Variants in MED13L observed in about 807,000 individuals in gnomAD.
The protein encoded by MED13L is mediator complex subunit 13L.
A neutral mutation model predicts 220.9 loss-of-function variants in MED13L; 7 were observed. That is an observed-to-expected ratio of 0.03 (90% CI 0.02 to 0.06). The LOEUF (loss-of-function observed/expected upper bound fraction) is 0.06, where lower values mean the gene tolerates loss of function less well. Ranked by LOEUF, MED13L falls within the 10% of genes least tolerant of loss-of-function variation. The pLI is 1.00. For synonymous variants in MED13L, 1,011 were observed against 1,015.2 expected (o/e 1.00, Z 0.08); for missense variants, 1,965 against 2,760.5 (o/e 0.71, Z 6.46).
At chr12:116,174,752 CAT>C (rs1199800592) in intron 2 of MED13L, 34 of 152,304 alleles carry the variant, frequency 2.2e-4, no homozygotes, top group African/African-American at 7.7e-4. Flanking sequence ...AGATAAAATA[CAT>C]GTGTAAACTT....
intron 30 of MED13L, among the ~76,000 whole-genome samples, chr12:115,962,899 T>G (rs1382658311): frequency 6.6e-6 from 1 of 152,096 alleles, no homozygotes; most frequent in African/African-American, 2.4e-5. Flanking sequence ...CGGGTGCCTG[T>G]AGTCCCAGCT....
chr12:116,150,355 A>G (rs1435018165), intron 2 of MED13L, among the ~76,000 whole-genome samples: 1 of 152,254 alleles, frequency 6.6e-6, no homozygotes, highest in Non-Finnish European at 1.5e-5. Flanking sequence ...TTATTACAAC[A>G]AAGTCTTGGA....
chr12:116,200,545 T>C (rs1593158436), intron 2 of MED13L, among the ~76,000 whole-genome samples: 2 of 152,182 alleles, frequency 1.3e-5, no homozygotes, highest in East Asian at 3.9e-4. Flanking sequence ...TTGAATTACT[T>C]GACAGGGACT....
In MED13L at chr12:116,188,129, T is replaced by C. The variant is rs1436332391; in HGVS notation, c.310+49339A>G. Among the ~76,000 whole-genome samples, 4 of 148,636 alleles carry C rather than the reference T, an allele frequency of 2.7e-5. No homozygotes were observed. In the Admixed American group the frequency reaches 2.7e-4, roughly 10 times the overall value. ...TTTACATAACATAATTAACAAATTA[T>C]TAAAAAAAAAAATCACTGTCATGTC... On this transcript the variant is annotated intron_variant, in intron 2 of 30. Coordinates refer to ENST00000281928, the MANE Select transcript of MED13L (RefSeq NM_015335.5).
At chr12:116,002,428 A>G (rs1358661252) in intron 14 of MED13L, among the ~76,000 whole-genome samples, 1 of 152,222 alleles carries the variant, frequency 6.6e-6, no homozygotes, top group Non-Finnish European at 1.5e-5. Context: ...GAGTATCCAC[A>G]TAAGCTACCC....
intron 4 of MED13L, among the ~76,000 whole-genome samples, chr12:116,093,832 A>T (rs1387049331): frequency 6.6e-6 from 1 of 152,158 alleles, no homozygotes; most frequent in Non-Finnish European, 1.5e-5. Flanking sequence ...CACTAAATGG[A>T]TCTGTACCAA....
Position 116,038,633 on chromosome 12 carries a change from A to G in MED13L, c.480-16032T>C, listed in dbSNP as rs117133586. On this transcript the variant is annotated intron_variant, in intron 4 of 30. Coordinates refer to ENST00000281928, the MANE Select transcript of MED13L (RefSeq NM_015335.5). ...GCCTAGATTCTCAAGCCTGGCTCAC[A>G]GTGGGAGAAATGACCCGCCAAAAGA... Among the ~76,000 whole-genome samples, 90 of 151,022 alleles carry G rather than the reference A, an allele frequency of 6.0e-4. No individual in the cohort carries two copies. The East Asian group carries it at 0.016, about 27-fold the overall frequency.
chr12:116,005,576 G>T (rs546636238), intron 13 of MED13L, among the ~76,000 whole-genome samples: 1 of 152,298 alleles, frequency 6.6e-6, no homozygotes, highest in Non-Finnish European at 1.5e-5. Flanking sequence ...TACAATAAAT[G>T]TGAGAGATTT....
intron 2 of MED13L, among the ~76,000 whole-genome samples, chr12:116,146,457 G>A (rs896096628): frequency 6.7e-6 from 1 of 150,058 alleles, no homozygotes; most frequent in African/African-American, 2.5e-5. Context: ...TTTTTTTAAA[G>A]CTCATCAGTT....
intron 3 of MED13L, among the ~76,000 whole-genome samples, chr12:116,107,881 G>C (rs1873716312): frequency 6.6e-6 from 1 of 152,150 alleles, no homozygotes; most frequent in African/African-American, 2.4e-5. Context: ...CACGAGGTCA[G>C]GAGTTCGAGA....
intron 4 of MED13L, among the ~76,000 whole-genome samples, chr12:116,058,052 A>G (rs531515450): frequency 5.3e-5 from 8 of 152,226 alleles, no homozygotes; most frequent in Non-Finnish European, 7.4e-5. Flanking sequence ...GGCAAGATGT[A>G]TAACAGAAAA....
At chr12:116,219,815 T>C (rs897795030) in intron 2 of MED13L, among the ~76,000 whole-genome samples, 31 of 152,322 alleles carry the variant, frequency 2.0e-4, no homozygotes, top group Admixed American at 2.0e-3. Flanking sequence ...TTTTGTTTCT[T>C]GAGACAGAGT....
chr12:116,274,991 T>TAAAAAAA (rs11357820), intron 1 of MED13L, among the ~76,000 whole-genome samples: 1 of 135,054 alleles, frequency 7.4e-6, no homozygotes. Context: ...ACTTAAGCTT[T>TAAAAAAA]AAAAAAAAAA....
chr12:116,223,107 C>T (rs1868601329), intron 2 of MED13L, among the ~76,000 whole-genome samples: 1 of 152,148 alleles, frequency 6.6e-6, no homozygotes, highest in Non-Finnish European at 1.5e-5. Context: ...GCAGCAAATA[C>T]CAACTCCAGT....
chr12:116,192,693 A>T (rs1365302282), intron 2 of MED13L, among the ~76,000 whole-genome samples: 2 of 152,178 alleles, frequency 1.3e-5, no homozygotes, highest in South Asian at 2.1e-4. Context: ...AGGAATAATT[A>T]AAAAAACAAC....
At chr12:116,146,481 G>A (rs1026412029) in intron 2 of MED13L, among the ~76,000 whole-genome samples, 22 of 150,970 alleles carry the variant, frequency 1.5e-4, no homozygotes, top group Admixed American at 5.9e-4. Flanking sequence ...CTTAGTGTTC[G>A]TGTATGTTAT....
At position 115,966,004 on chromosome 12, in the gene MED13L, C is replaced by T. The variant is rs978132910; in HGVS notation, c.6387+78G>A. On this transcript the variant is annotated intron_variant, in intron 29 of 30. Transcript: ENST00000281928. ...CAGAATAAGATTATGGTGACTAAAA[C>T]TGAAATTTCTAACCAAAATTAAATT... is the stretch of plus-strand genomic sequence containing the variant. 1.1e-5 allele frequency: 17 copies of T among 1,540,132 alleles called. No homozygotes were observed. The African/African-American group carries it at 2.2e-4, about 20-fold the overall frequency.
At chr12:116,097,571 T>C (rs1872722837) in intron 3 of MED13L, among the ~76,000 whole-genome samples, 1 of 152,238 alleles carries the variant, frequency 6.6e-6, no homozygotes, top group Non-Finnish European at 1.5e-5. Context: ...AGCTTTATCT[T>C]AGGTATTTTC....
chr12:116,219,947 C>A (rs1235952863), intron 2 of MED13L, among the ~76,000 whole-genome samples: 1 of 152,086 alleles, frequency 6.6e-6, no homozygotes, highest in African/African-American at 2.4e-5. Context: ...CAGGTGCGCA[C>A]CACCATGCCC....
Sources: allele counts gnomAD v4.1 joint callset (sites outside exome capture counted in the v4.1 genomes callset), GRCh38; gene constraint gnomAD v4.1.1; transcripts MANE v1.5; gene names NCBI Gene and HGNC (gene_info 2026-07-23, HGNC 2026-07-21).